HNRNPL: variants seen among roughly 807,000 people sequenced by gnomAD.
The protein encoded by HNRNPL is epididymis secretory sperm binding protein.
HNRNPL carries 12 observed loss-of-function variants against 64.0 expected under a neutral mutation model. That is an observed-to-expected ratio of 0.19 (90% CI 0.12 to 0.30). The LOEUF (loss-of-function observed/expected upper bound fraction) is 0.30. Among genes scored for constraint, HNRNPL ranks in the 10% least tolerant of loss-of-function variants. The probability of loss-of-function intolerance (pLI) is 1.00; values close to 1 mark genes in which losing one functional copy is unlikely to be tolerated. For missense variants in HNRNPL, 484 were observed against 797.4 expected (o/e 0.61, Z 4.73); for synonymous variants, 385 against 313.0 (o/e 1.23, Z -2.43).
rs772453412 is a variant in HNRNPL at position 38,838,451 on chromosome 19, G to A, written c.1503C>T (p.Asn501=). 26 of 1,613,914 alleles carry A rather than the reference G, an allele frequency of 1.6e-5. No homozygotes were observed. The highest frequency in any genetic ancestry group is 1.6e-4 in the East Asian group (7 of 44,896). Residue 501 remains asparagine (N), a synonymous_variant, in exon 10 of 13, where the codon AAC becomes AAT. Transcript: ENST00000221419. ...AAKNRIQHPS[N]VLHFFNAPLE... ...GCGGGGCGTTGAAGAAGTGCAGCAC[G>A]TTGCTGGGGTGCTGGATGCGGTTCT...
intron 6 of HNRNPL, 70 bp downstream of exon 6, chr19:38,843,772 G>A (rs1322870454): frequency 7.8e-6 from 10 of 1,286,840 alleles, no homozygotes; most frequent in Admixed American, 5.1e-5. Flanking sequence ...CTGAGCCCAG[G>A]CCTATTAAGT....
At chr19:38,839,233 A>G (rs1773128759) in intron 8 of HNRNPL, 2 of 549,364 alleles carry the variant, frequency 3.6e-6, no homozygotes, top group Admixed American at 6.3e-5. Flanking sequence ...ATAACCCACC[A>G]GTAAATCATT....
chr19:38,836,713 G>A lies in HNRNPL; in HGVS notation c.*9C>T. 6.3e-7 allele frequency: 1 copy of A among 1,599,292 alleles called. No homozygotes were observed. The highest frequency in any genetic ancestry group is 8.6e-7 in the Non-Finnish European group (1 of 1,169,454). On this transcript the variant is annotated 3_prime_UTR_variant, in exon 13 of 13. Transcript: ENST00000221419. ...TCCTGCTCAGATGGGACTCTTCCTA[G>A]GCACCTAATTAGGAGGCGTGCTGAG... is the stretch of plus-strand genomic sequence containing the variant.
At chr19:38,850,587 C>T (rs1021555671), upstream of HNRNPL, among the ~76,000 whole-genome samples, 2 of 152,292 alleles carry the variant, frequency 1.3e-5, no homozygotes, top group Admixed American at 1.3e-4. Context: ...GTATACGAAA[C>T]GAGCGAAGGC....
rs779576801 is a variant in HNRNPL at position 38,838,625 on chromosome 19, T to C, written c.1356-27A>G. 4 of 1,603,712 alleles carry C rather than the reference T, an allele frequency of 2.5e-6. No individual in the cohort carries two copies. In the South Asian group the frequency reaches 3.3e-5, roughly 13 times the overall value. On this transcript the variant is annotated intron_variant, in intron 9 of 12. Transcript: ENST00000221419. ...TGCAGCAAGGAAGAAAGGGGAGCCT[T>C]TGTCATACCCAAAGTTGTCCCTGAA...
At chr19:38,849,536 G>T (rs1331572994) in intron 1 of HNRNPL, among the ~76,000 whole-genome samples, 164 bp downstream of exon 1, 2 of 152,030 alleles carry the variant, frequency 1.3e-5, no homozygotes, top group African/African-American at 4.8e-5. Context: ...CTGTCCTCGC[G>T]CAAACCCCGC....
At position 38,849,942 on chromosome 19, in the gene HNRNPL, C is replaced by G. The variant is rs1202370487; in HGVS notation, c.25G>C (p.Ala9Pro). 1 of 1,370,650 alleles carries G rather than the reference C, an allele frequency of 7.3e-7. No homozygotes were observed. Among genetic ancestry groups the G allele is most frequent in the African/African-American group, 1.5e-5 (1 of 66,410 alleles). The allele number at this position is 1,370,650 out of a possible 1,614,324, so 84.9% of individuals were successfully genotyped here. ...TCCAGCCGCCGACGCCGCTTCTCCG[C>G]CCGGGGCAGCAGCCTCCGCGACATG... The part of the protein sequence containing the change: MSRRLLPR[A>P]EKRRRRLEQR... Residue 9 changes from alanine to proline, a missense_variant, in exon 1 of 13, where the codon GCG (alanine) becomes CCG (proline). Ala to Pro is a conservative substitution (Grantham distance 27). Coordinates refer to ENST00000221419, the MANE Select transcript of HNRNPL (RefSeq NM_001533.3).
Position 38,836,620 on chromosome 19 carries a change from A to G in HNRNPL, c.*102T>C. The G allele has an allele frequency of 3.6e-6, 2 of 555,202 alleles. No homozygotes were observed. Among genetic ancestry groups the G allele is most frequent in the East Asian group, 3.3e-5 (1 of 30,170 alleles). The allele number at this position is 555,202 out of a possible 1,614,324, so 34.4% of individuals were successfully genotyped here. A position where few individuals can be genotyped will look rare whatever the true frequency, so the allele number is the denominator to read the frequency against. Reference sequence around the variant, plus strand: ...ATTTAAAAAAAAAAAAAAAAAAAAAAAAAAGGAATACAAGATCTTTTGCAA... The same window carrying G: ...ATTTAAAAAAAAAAAAAAAAAAAAAGAAAAGGAATACAAGATCTTTTGCAA... On this transcript the variant is annotated 3_prime_UTR_variant, in exon 13 of 13. Transcript: ENST00000221419.
intron 4 of HNRNPL, 91 bp downstream of exon 4, chr19:38,845,559 C>G (rs1390794868): frequency 9.6e-7 from 1 of 1,041,128 alleles, no homozygotes; most frequent in Admixed American, 1.7e-5. Flanking sequence ...CTCCCGTGGT[C>G]AGCAGACACA....
At position 38,838,720 on chromosome 19, in the gene HNRNPL, C is replaced by A. The variant is rs1156760528; in HGVS notation, c.1356-122G>T. 4 of 1,306,260 alleles carry A rather than the reference C, an allele frequency of 3.1e-6. No individual in the cohort carries two copies. In the South Asian group the frequency reaches 5.1e-5, roughly 17 times the overall value. The allele number at this position is 1,306,260 out of a possible 1,614,324, so 80.9% of individuals were successfully genotyped here. On this transcript the variant is annotated intron_variant, in intron 9 of 12. Coordinates refer to ENST00000221419, the MANE Select transcript of HNRNPL (RefSeq NM_001533.3). ...TTGGGGCATTGCTCTACACCTGAGG[C>A]AAGGCTGACTCACTTTCTCCTGTGG... is the stretch of plus-strand genomic sequence containing the variant.
At chr19:38,845,389 A>AT (rs563497342) in intron 4 of HNRNPL, 323 of 463,246 alleles carry the variant, frequency 7.0e-4, no homozygotes, top group Admixed American at 1.3e-3. Flanking sequence ...AAATAAGTAA[A>AT]TAACAGAAAG....
upstream of HNRNPL, chr19:38,852,187 C>G (rs1360087229): frequency 2.7e-5 from 4 of 146,570 alleles, no homozygotes; most frequent in African/African-American, 9.8e-5. Flanking sequence ...GCGCTCCCGG[C>G]CACCGCCCCG....
rs780160907 is a variant in HNRNPL at position 38,838,945 on chromosome 19, G to A, written c.1304C>T (p.Ala435Val). The change falls in exon 9 of 13, where the codon GCC (alanine) becomes GTC (valine). Residue 435 changes from alanine to valine, a missense_variant. Around this residue, in one of 9 missense-constraint regions of HNRNPL, gnomAD observed 53 missense variants for 131.3 expected, o/e 0.40. Transcript: ENST00000221419. ...GAAGTTGTTGTTGAGGTGGGTAATG[G>A]CCCGGTCTACAGCGTAGCCATCAGC... ...EMADGYAVDR[A>V]ITHLNNNFMF... 6.2e-7 allele frequency: 1 copy of A among 1,614,082 alleles called. No individual in the cohort carries two copies. Among genetic ancestry groups the A allele is most frequent in the Admixed American group, 1.7e-5 (1 of 60,020 alleles).
intron 10 of HNRNPL, among the ~76,000 whole-genome samples, chr19:38,838,030 C>T (rs547408653): frequency 2.1e-4 from 32 of 152,354 alleles, no homozygotes; most frequent in Admixed American, 3.9e-4. Flanking sequence ...CAGGGCCCCA[C>T]CTTCTGATGG....
Position 38,846,097 on chromosome 19 carries a change from G to A in HNRNPL, c.387-7C>T, listed in dbSNP as rs373954805. On this transcript the variant is annotated splice_region_variant and splice_polypyrimidine_tract_variant and intron_variant, in intron 2 of 12. Transcript: ENST00000221419. Reference sequence around the variant, plus strand: ...AGGCATTACCACCACATAGCTGGCAGAGAGAACACAGGTTTCAATCCTCTC... The same window carrying A: ...AGGCATTACCACCACATAGCTGGCAAAGAGAACACAGGTTTCAATCCTCTC... 2.8e-5 allele frequency: 45 copies of A among 1,596,404 alleles called. No homozygotes were observed. The highest frequency in any genetic ancestry group is 3.8e-5 in the Non-Finnish European group (44 of 1,164,090).
At chr19:38,848,990 G>A (rs921719172) in intron 1 of HNRNPL, among the ~76,000 whole-genome samples, 12 of 152,146 alleles carry the variant, frequency 7.9e-5, no homozygotes, top group African/African-American at 7.2e-5. Context: ...TTTTCGGAGG[G>A]ACTGATTACA....
At chr19:38,838,829 G>C in intron 9 of HNRNPL, 65 bp downstream of exon 9, 3 of 1,604,216 alleles carry the variant, frequency 1.9e-6, no homozygotes, top group Non-Finnish European at 2.6e-6. Context: ...CTCCTCTGCT[G>C]GGCCCCATTC....
intron 1 of HNRNPL, chr19:38,849,452 G>C (rs1364652638): frequency 2.3e-6 from 1 of 432,176 alleles, no homozygotes; most frequent in Non-Finnish European, 3.8e-6. Flanking sequence ...CTGCGCACTG[G>C]GCCATTCGCC....
At chr19:38,846,844 C>A (rs1490011814) in intron 2 of HNRNPL, among the ~76,000 whole-genome samples, 2 of 152,138 alleles carry the variant, frequency 1.3e-5, no homozygotes, top group Non-Finnish European at 2.9e-5. Flanking sequence ...CGAGACAAAG[C>A]TTGCAGTGAG....
Sources: gnomAD v4.1 joint callset for allele counts (sites outside exome capture counted in the v4.1 genomes callset) on GRCh38, gnomAD v4.1.1 for gene constraint, gnomAD v4.1.1 regional missense constraint, MANE v1.5 for transcripts, NCBI Gene and HGNC (gene_info 2026-07-23, HGNC 2026-07-21) for gene names.